The following PHF19 variants were observed in gnomAD, a reference collection of about 807,000 sequenced individuals.
PHF19 encodes the protein PHD finger protein 19.
Under a neutral mutation model 79.8 loss-of-function variants are expected in PHF19, and 21 were observed. The observed-to-expected ratio is 0.26, with a 90% confidence interval of 0.19 to 0.38. The LOEUF is 0.38. PHF19 is among the 10% of genes least tolerant of loss of function. The pLI, the probability that PHF19 is intolerant of heterozygous loss-of-function variation, is 1.00. For synonymous variants in PHF19, 273 were observed against 296.3 expected (o/e 0.92, Z 0.81); for missense variants, 445 against 744.2 (o/e 0.60, Z 4.68).
At position 120,866,981 on chromosome 9, in the gene PHF19, A is replaced by G; in HGVS notation, c.615-16T>C. ...CAGGTACCATCTGGAGAGACAGAGG[A>G]GCCAAGGTCAGCCAGGACCACACCC... On this transcript the variant is annotated splice_polypyrimidine_tract_variant and intron_variant, in intron 6 of 14. Transcript: ENST00000373896. The surrounding 1 kb of genome is among the most constrained non-coding windows in gnomAD (Gnocchi z 5.2). 1 of 1,485,138 alleles carries G rather than the reference A, an allele frequency of 6.7e-7. No homozygotes were observed. Among genetic ancestry groups the G allele is most frequent in the Non-Finnish European group, 9.4e-7 (1 of 1,062,628 alleles). 92.0% of individuals were successfully genotyped at this position (1,485,138 alleles called of 1,614,324 possible).
At chr9:120,882,042 G>A (rs558329625), upstream of PHF19, among the ~76,000 whole-genome samples, 50 of 152,350 alleles carry the variant, frequency 3.3e-4, 1 homozygote, top group Middle Eastern at 0.01. Flanking sequence ...TTACAGGTGC[G>A]TGCCACTGCA....
upstream of PHF19, among the ~76,000 whole-genome samples, chr9:120,880,767 C>G (rs373007846): frequency 2.6e-5 from 4 of 151,930 alleles, no homozygotes; most frequent in East Asian, 7.8e-4. Flanking sequence ...CAAGACCAGC[C>G]TGGGCAACAT....
At chr9:120,889,358 G>A (rs368255610) in intron 1 of PHF19, among the ~76,000 whole-genome samples, 28 of 150,540 alleles carry the variant, frequency 1.9e-4, no homozygotes, top group African/African-American at 6.4e-4. Context: ...CCTGGGAGGC[G>A]GAGGTTGCAG....
At chr9:120,889,989 A>C (rs2046320287) in intron 1 of PHF19, among the ~76,000 whole-genome samples, 1 of 152,230 alleles carries the variant, frequency 6.6e-6, no homozygotes, top group Admixed American at 6.5e-5. Context: ...TGGCACCCAC[A>C]GCTCACAAAA....
In PHF19 at chr9:120,862,793, T is replaced by C. The variant is rs1361029106; in HGVS notation, c.969-44A>G. 6.3e-7 allele frequency: 1 copy of C among 1,595,578 alleles called. No individual in the cohort carries two copies. The highest frequency in any genetic ancestry group is 1.3e-5 in the African/African-American group (1 of 74,550). On this transcript the variant is annotated intron_variant, in intron 10 of 14. Transcript: ENST00000373896. The surrounding 1 kb of genome is among the most constrained non-coding windows in gnomAD (Gnocchi z 4.6). Reference sequence around the variant, plus strand: ...AGGAAGAAGCTCTGGAGTCTGTCAGTCCATCCTCCTGGGGAGTGGGGTCAA... The same window carrying C: ...AGGAAGAAGCTCTGGAGTCTGTCAGCCCATCCTCCTGGGGAGTGGGGTCAA...
chr9:120,887,918 G>A (rs1420572911), intron 1 of PHF19, among the ~76,000 whole-genome samples: 1 of 152,128 alleles, frequency 6.6e-6, no homozygotes, highest in African/African-American at 2.4e-5. Flanking sequence ...TTCCTTCACA[G>A]TCCTTGAGAA....
At position 120,857,710 on chromosome 9, in the gene PHF19, T is replaced by G; in HGVS notation, c.*234A>C. The G allele has an allele frequency of 2.2e-6, 1 of 462,266 alleles. No homozygotes were observed. The highest frequency in any genetic ancestry group is 3.8e-6 in the Non-Finnish European group (1 of 261,998). 28.6% of individuals were successfully genotyped at this position (462,266 alleles called of 1,614,324 possible). A position where few individuals can be genotyped will look rare whatever the true frequency, so the allele number is the denominator to read the frequency against. On this transcript the variant is annotated 3_prime_UTR_variant, in exon 15 of 15. Coordinates refer to ENST00000373896, the MANE Select transcript of PHF19 (RefSeq NM_015651.3). ...AAACAGAGTTTGAGGGGGTGTGGAG[T>G]GTGTAGAGACACAGGCACAGGGGTA...
Position 120,891,939 on chromosome 9 carries a change from C to T in PHF19, c.42+2849G>A, listed in dbSNP as rs1439316859. 6.6e-6 allele frequency among the ~76,000 whole-genome samples: 1 copy of T among 152,180 alleles called. No individual in the cohort carries two copies. The highest frequency in any genetic ancestry group is 1.5e-5 in the Non-Finnish European group (1 of 68,030). ...ACATCCTAAAACAGGCTGCAAACCC[C>T]TGACGCCTTGCAGAGCCAGGTAGGA... On this transcript the variant is annotated intron_variant, in intron 1 of 14. Transcript: ENST00000616568. The surrounding 1 kb of genome is among the most constrained non-coding windows in gnomAD (Gnocchi z 4.3).
intron 9 of PHF19, 97 bp downstream of exon 9, chr9:120,865,613 G>T: frequency 1.4e-6 from 2 of 1,432,860 alleles, no homozygotes; most frequent in Non-Finnish European, 1.9e-6. Flanking sequence ...AGCAACTCAA[G>T]GGTGAGAGTT....
chr9:120,892,186 TA>T (rs762254316), intron 1 of PHF19, among the ~76,000 whole-genome samples: 1 of 152,138 alleles, frequency 6.6e-6, no homozygotes, highest in Non-Finnish European at 1.5e-5. Flanking sequence ...AAACAAAACT[TA>T]CCTGGGACCT....
rs2045383225 is a variant in PHF19, at chr9:120,857,331, T to G, written c.*613A>C. ...GTGCCTTCTGAGGCAGACCCAGCCC[T>G]TTACTCTTCAGATCCTCACAGGCTT... On this transcript the variant is annotated 3_prime_UTR_variant, in exon 15 of 15. Coordinates refer to ENST00000373896, the MANE Select transcript of PHF19 (RefSeq NM_015651.3). 6.6e-6 allele frequency: 1 copy of G among 152,232 alleles called. No homozygotes were observed. The highest frequency in any genetic ancestry group is 2.4e-5 in the African/African-American group (1 of 41,404). The allele number at this position is 152,232 out of a possible 1,614,324, so 9.4% of individuals were successfully genotyped here.
chr9:120,878,242 C>G (rs116115382), upstream of PHF19, among the ~76,000 whole-genome samples: 506 of 152,278 alleles, frequency 3.3e-3, no homozygotes, highest in African/African-American at 0.011. Flanking sequence ...ATAAAGGGCA[C>G]ACAATGAAAG....
intron 1 of PHF19, among the ~76,000 whole-genome samples, chr9:120,885,344 C>A (rs2046247679): frequency 6.6e-6 from 1 of 151,872 alleles, no homozygotes. Context: ...CTTTGGGAGG[C>A]CGAGGCGGGC....
the PHF19 span, among the ~76,000 whole-genome samples, chr9:120,902,227 G>A: frequency 1.3e-5 from 2 of 151,962 alleles, no homozygotes; most frequent in African/African-American, 4.8e-5. Flanking sequence ...TATCACTTAC[G>A]GGGGTGAGAT....
At chr9:120,871,300 T>C (rs1041745992) in intron 3 of PHF19, among the ~76,000 whole-genome samples, 2 of 152,230 alleles carry the variant, frequency 1.3e-5, no homozygotes, top group African/African-American at 4.8e-5. Flanking sequence ...CCTGTAATTA[T>C]TTTAAATTGA....
upstream of PHF19, among the ~76,000 whole-genome samples, chr9:120,895,341 C>T (rs966195016): frequency 4.6e-5 from 7 of 151,854 alleles, no homozygotes; most frequent in Non-Finnish European, 1.0e-4. Flanking sequence ...AATCCTAGCA[C>T]TTAGGGATGG....
chr9:120,888,118 A>G (rs2046292976), intron 1 of PHF19, among the ~76,000 whole-genome samples: 1 of 152,196 alleles, frequency 6.6e-6, no homozygotes, highest in Non-Finnish European at 1.5e-5. Context: ...GACTACAGGC[A>G]TGCGCCACCA....
intron 1 of PHF19, among the ~76,000 whole-genome samples, chr9:120,890,999 G>A (rs537848440): frequency 2.6e-5 from 4 of 152,086 alleles, no homozygotes; most frequent in South Asian, 2.1e-4. Flanking sequence ...CCCTCTCCCC[G>A]GAATTTGGGC....
chr9:120,874,629 G>C lies in PHF19; in HGVS notation c.113C>G (p.Ser38Cys). 6.2e-7 allele frequency: 1 copy of C among 1,613,908 alleles called. No homozygotes were observed. The highest frequency in any genetic ancestry group is 8.5e-7 in the Non-Finnish European group (1 of 1,179,764). The change falls in exon 2 of 15, where the codon TCC becomes TGC. Residue 38 changes from serine (S) to cysteine (C), a missense_variant. By Grantham distance (112) the Ser-to-Cys change is moderately radical. Transcript: ENST00000373896. The surrounding 1 kb of genome is among the most constrained non-coding windows in gnomAD (Gnocchi z 4.5). ...CACATACTGGCCCTCCGTCAGTTTG[G>C]ACATCAAGTCTTTGAAGTTGTTCTT... ...KVKNNFKDLM[S>C]KLTEGQYVLC... is the part of the protein sequence containing the mutation.
Sources: allele counts gnomAD v4.1 joint callset (sites outside exome capture counted in the v4.1 genomes callset), GRCh38; gene constraint gnomAD v4.1.1; non-coding constraint Gnocchi (gnomAD v3.1); transcripts MANE v1.5; gene names NCBI Gene and HGNC (gene_info 2026-07-23, HGNC 2026-07-21).